The following RETREG1 variants were observed in gnomAD, a reference collection of about 807,000 sequenced individuals.
The protein encoded by RETREG1 is reticulophagy regulator 1.
Under a neutral mutation model 54.8 loss-of-function variants are expected in RETREG1, and 44 were observed. The ratio of observed to expected loss-of-function variants is 0.80; its 90% confidence interval spans 0.63 to 1.03. The LOEUF (loss-of-function observed/expected upper bound fraction) is 1.03. RETREG1 is among the 50% of genes least tolerant of loss of function. The probability of loss-of-function intolerance (pLI) is 0.00; values close to 1 mark genes in which losing one functional copy is unlikely to be tolerated. For synonymous variants in RETREG1, 217 were observed against 238.5 expected (o/e 0.91, Z 0.83); for missense variants, 554 against 605.1 (o/e 0.92, Z 0.89).
intron 3 of RETREG1, among the ~76,000 whole-genome samples, chr5:16,556,693 A>G (rs774607272): frequency 5.3e-5 from 8 of 152,164 alleles, no homozygotes; most frequent in Non-Finnish European, 1.2e-4. Context: ...TGGATCCCCT[A>G]GTTTCCTGTT....
Position 16,474,512 on chromosome 5 carries a change from A to G in RETREG1, c.*229T>C. 1.8e-6 allele frequency: 1 copy of G among 568,098 alleles called. No homozygotes were observed. Among genetic ancestry groups the G allele is most frequent in the Non-Finnish European group, 3.1e-6 (1 of 326,654 alleles). 35.2% of individuals were successfully genotyped at this position (568,098 alleles called of 1,614,324 possible). A position where few individuals can be genotyped will look rare whatever the true frequency, so the allele number is the denominator to read the frequency against. ...TATCTCTGACAACACAGTGGTGTGT[A>G]TAAAGTTCATTTCCATGCTTATTAC... On this transcript the variant is annotated 3_prime_UTR_variant, in exon 9 of 9. Transcript: ENST00000306320.
Position 16,531,606 on chromosome 5 carries a change from G to C in RETREG1, c.458+34157C>G, listed in dbSNP as rs187450587. On this transcript the variant is annotated intron_variant, in intron 3 of 8. Transcript: ENST00000306320. Reference sequence around the variant, plus strand: ...AGGAGACAGCCTTGGAGGTCTGGGGGGTGGCAGAAAAGGCCTCCCAGGGAA... The same window carrying C: ...AGGAGACAGCCTTGGAGGTCTGGGGCGTGGCAGAAAAGGCCTCCCAGGGAA... 8.6e-4 allele frequency among the ~76,000 whole-genome samples: 131 copies of C among 152,202 alleles called. No individual in the cohort carries two copies. The East Asian group carries it at 9.8e-3, about 11-fold the overall frequency.
intron 2 of RETREG1, among the ~76,000 whole-genome samples, chr5:16,571,151 A>G (rs1484130112): frequency 6.6e-6 from 1 of 152,216 alleles, no homozygotes; most frequent in Non-Finnish European, 1.5e-5. Flanking sequence ...TCTAGTTGCC[A>G]TCAGGGAGGA....
At chr5:16,616,490 A>AGT in intron 1 of RETREG1, 162 bp downstream of exon 1, 1 of 1,218,646 alleles carries the variant, frequency 8.2e-7, no homozygotes, top group Non-Finnish European at 1.1e-6. Flanking sequence ...AGTTGCGGTG[A>AGT]GTGTCTACCT....
intron 3 of RETREG1, among the ~76,000 whole-genome samples, chr5:16,562,362 G>A (rs985615251): frequency 6.6e-6 from 1 of 152,066 alleles, no homozygotes; most frequent in Admixed American, 6.6e-5. Flanking sequence ...CTTACCCAAG[G>A]CAGCCCAGGA....
chr5:16,490,130 A>C (rs993642279), intron 3 of RETREG1, among the ~76,000 whole-genome samples: 3 of 152,176 alleles, frequency 2.0e-5, no homozygotes, highest in Admixed American at 6.5e-5. Flanking sequence ...GGGAGAGAAT[A>C]TGAATGAATC....
At chr5:16,510,818 C>CAAAAA (rs57713373) in intron 3 of RETREG1, among the ~76,000 whole-genome samples, 7 of 75,676 alleles carry the variant, frequency 9.2e-5, no homozygotes, top group South Asian at 4.9e-4. Context: ...ACAACAACAA[C>CAAAAA]AAAAAAAAAA....
chr5:16,616,268 A>C, intron 1 of RETREG1: 1 of 216,244 alleles, frequency 4.6e-6, no homozygotes, highest in Admixed American at 5.7e-5. Context: ...TGGGGCTGCA[A>C]GAACCAAGAC....
At chr5:16,525,173 CATAGGGGACACTGT>C in intron 3 of RETREG1, among the ~76,000 whole-genome samples, 2 of 149,876 alleles carry the variant, frequency 1.3e-5, no homozygotes, top group African/African-American at 4.9e-5. Flanking sequence ...GGTGGATGTG[CATAGGGGACACTGT>C]GCTGACATGT....
intron 1 of RETREG1, among the ~76,000 whole-genome samples, chr5:16,602,281 CCT>C (rs758827376): frequency 3.9e-5 from 6 of 152,242 alleles, no homozygotes; most frequent in South Asian, 2.1e-4. Context: ...GTCCTGACCC[CCT>C]GTTTTAAGCA....
At chr5:16,589,740 A>G (rs1742710160) in intron 1 of RETREG1, among the ~76,000 whole-genome samples, 1 of 152,156 alleles carries the variant, frequency 6.6e-6, no homozygotes, top group Admixed American at 6.5e-5. Context: ...TGCATGAGGA[A>G]TTGCTGCAAC....
intron 3 of RETREG1, among the ~76,000 whole-genome samples, chr5:16,516,099 C>T (rs1286099208): frequency 1.4e-5 from 2 of 147,612 alleles, no homozygotes; most frequent in African/African-American, 5.0e-5. Context: ...AAAGGAATAA[C>T]CTTCAGTTGT....
chr5:16,547,585 G>A (rs75163716), intron 3 of RETREG1, among the ~76,000 whole-genome samples: 1,567 of 152,274 alleles, frequency 0.01, 31 homozygotes, highest in African/African-American at 0.035. Context: ...TTAGGCTGCA[G>A]AAACAGGCGT....
chr5:16,608,589 TCTCA>T (rs1191974522), intron 1 of RETREG1, among the ~76,000 whole-genome samples: 1 of 152,164 alleles, frequency 6.6e-6, no homozygotes, highest in East Asian at 1.9e-4. Context: ...TGACATACTC[TCTCA>T]ATCGATTCAC....
chr5:16,560,869 A>G (rs147624078), intron 3 of RETREG1, among the ~76,000 whole-genome samples: 77 of 152,360 alleles, frequency 5.1e-4, no homozygotes, highest in Admixed American at 8.5e-4. Context: ...AATTCAAGGA[A>G]TAAGTATGTA....
At chr5:16,600,220 T>C (rs1359719107) in intron 1 of RETREG1, among the ~76,000 whole-genome samples, 2 of 152,168 alleles carry the variant, frequency 1.3e-5, no homozygotes, top group Non-Finnish European at 2.9e-5. Context: ...AGGCTGGTCC[T>C]GAACTCCTGA....
intron 2 of RETREG1, among the ~76,000 whole-genome samples, chr5:16,570,865 G>A (rs1326046914): frequency 1.3e-5 from 2 of 152,026 alleles, no homozygotes; most frequent in Non-Finnish European, 2.9e-5. Context: ...TGAAGATGGA[G>A]AGAGAGGGAA....
chr5:16,602,940 G>A lies in RETREG1; in HGVS notation c.320+13712C>T, dbSNP rs1743088577. On this transcript the variant is annotated intron_variant, in intron 1 of 8. Transcript: ENST00000306320. ...GGAAAACTGCTTGAACCTGGGAGGA[G>A]GAGGTTGCGGTGAGCCGAGATGGCG... Among the ~76,000 whole-genome samples, 3 of 152,156 alleles carry A rather than the reference G, an allele frequency of 2.0e-5. No individual in the cohort carries two copies. In the South Asian group the frequency reaches 6.2e-4, roughly 32 times the overall value.
At chr5:16,527,403 C>T (rs1423839479) in intron 3 of RETREG1, among the ~76,000 whole-genome samples, 1 of 152,206 alleles carries the variant, frequency 6.6e-6, no homozygotes, top group Non-Finnish European at 1.5e-5. Flanking sequence ...AAAGTTATCT[C>T]TCAGAAACAG....
Sources: gnomAD v4.1 joint callset for allele counts (sites outside exome capture counted in the v4.1 genomes callset) on GRCh38, gnomAD v4.1.1 for gene constraint, MANE v1.5 for transcripts, NCBI Gene and HGNC (gene_info 2026-07-23, HGNC 2026-07-21) for gene names.